The following PLCB1 variants were observed in gnomAD, a reference collection of about 807,000 sequenced individuals.
The protein encoded by PLCB1 is phospholipase C beta 1, also known as 1-phosphatidylinositol 4,5-bisphosphate phosphodiesterase beta-1.
A neutral mutation model predicts 161.8 loss-of-function variants in PLCB1; 46 were observed. That is an observed-to-expected ratio of 0.28 (90% CI 0.22 to 0.36). The LOEUF is 0.36. Among genes scored for constraint, PLCB1 ranks in the 10% least tolerant of loss-of-function variants. The probability of loss-of-function intolerance (pLI) is 1.00; values close to 1 mark genes in which losing one functional copy is unlikely to be tolerated. For missense variants in PLCB1, 1,016 were observed against 1,472.5 expected (o/e 0.69, Z 5.07); for synonymous variants, 517 against 503.7 (o/e 1.03, Z -0.35).
At chr20:8,664,895 A>C (rs1989771043) in intron 9 of PLCB1, among the ~76,000 whole-genome samples, 2 of 152,168 alleles carry the variant, frequency 1.3e-5, no homozygotes, top group Non-Finnish European at 2.9e-5. Flanking sequence ...TGAAAGTCCC[A>C]GAATCCAGGG....
intron 26 of PLCB1, among the ~76,000 whole-genome samples, chr20:8,771,704 A>G (rs1015941441): frequency 3.9e-5 from 6 of 152,150 alleles, no homozygotes; most frequent in South Asian, 2.1e-4. Context: ...CCCTTAGTAC[A>G]TAGTATCTAA....
intron 2 of PLCB1, among the ~76,000 whole-genome samples, chr20:8,319,510 G>A (rs755667805): frequency 6.7e-6 from 1 of 150,362 alleles, no homozygotes; most frequent in Non-Finnish European, 1.5e-5. Flanking sequence ...TGTCACTCTG[G>A]TGCATTCTTG....
intron 10 of PLCB1, 72 bp from the exon 11 acceptor site, chr20:8,697,554 C>A: frequency 6.8e-7 from 1 of 1,470,058 alleles, no homozygotes; most frequent in South Asian, 1.2e-5. Context: ...TATTGAGGAG[C>A]CTTTCTAAGA....
At chr20:8,716,909 G>A (rs1318308092) in intron 13 of PLCB1, among the ~76,000 whole-genome samples, 2 of 152,196 alleles carry the variant, frequency 1.3e-5, no homozygotes, top group Non-Finnish European at 2.9e-5. Context: ...GCATTTGTAA[G>A]TGAGTTTATA....
At chr20:8,180,640 C>T (rs962112573) in intron 2 of PLCB1, among the ~76,000 whole-genome samples, 26 of 151,112 alleles carry the variant, frequency 1.7e-4, no homozygotes, top group Non-Finnish European at 1.6e-4. Context: ...AATATACTTT[C>T]AGGAATCCAA....
At chr20:8,653,221 A>C (rs2123306453) in intron 7 of PLCB1, 1 of 152,222 alleles carries the variant, frequency 6.6e-6, no homozygotes, top group African/African-American at 2.4e-5. Context: ...TGTAATACAA[A>C]GAGAAATTAA....
intron 10 of PLCB1, among the ~76,000 whole-genome samples, chr20:8,691,324 AT>A (rs777037903): frequency 5.3e-5 from 8 of 152,162 alleles, no homozygotes; most frequent in Non-Finnish European, 7.4e-5. Context: ...CTAGAAAATA[AT>A]TTAGTTTTTA....
chr20:8,578,495 T>A (rs1986742274), intron 3 of PLCB1, among the ~76,000 whole-genome samples: 1 of 152,212 alleles, frequency 6.6e-6, no homozygotes, highest in Non-Finnish European at 1.5e-5. Context: ...TAACTGGAAG[T>A]TGTGATGGAG....
chr20:8,733,628 G>A lies in PLCB1; in HGVS notation c.2043+236G>A, dbSNP rs149805483. On this transcript the variant is annotated intron_variant, in intron 19 of 31. Transcript: ENST00000338037. ...CACGGGAAGGGGAACATCACACTCT[G>A]GGGACTGTTGTGGGGTGGGGGGAGC... is the stretch of plus-strand genomic sequence containing the variant. Among the ~76,000 whole-genome samples, 1,192 of 150,662 alleles carry A rather than the reference G, an allele frequency of 7.9e-3. 6 individuals are homozygous for A. The highest frequency in any genetic ancestry group is 0.017 in the Middle Eastern group (5 of 292).
At chr20:8,807,421 T>C (rs1568607328) in intron 31 of PLCB1, among the ~76,000 whole-genome samples, 1 of 152,226 alleles carries the variant, frequency 6.6e-6, no homozygotes, top group Non-Finnish European at 1.5e-5. Context: ...AATATTGATG[T>C]TCTTGTCACG....
intron 3 of PLCB1, among the ~76,000 whole-genome samples, chr20:8,611,022 G>A (rs1987890604): frequency 6.6e-6 from 1 of 151,920 alleles, no homozygotes; most frequent in South Asian, 2.1e-4. Flanking sequence ...TCTAAGAAAT[G>A]TATCTCTTTT....
At chr20:8,803,695 T>C (rs1480421417) in intron 31 of PLCB1, among the ~76,000 whole-genome samples, 1 of 152,236 alleles carries the variant, frequency 6.6e-6, no homozygotes, top group East Asian at 1.9e-4. Flanking sequence ...ATGTTAAGAC[T>C]ATCTTTTAAA....
rs574410482 is a variant in PLCB1, at chr20:8,369,345, T to C, written c.178-2037T>C. On this transcript the variant is annotated intron_variant, in intron 2 of 31. Coordinates refer to ENST00000338037, the MANE Select transcript of PLCB1 (RefSeq NM_015192.4). ...ATCTTTCACCTCTCAGATCTCCACT[T>C]ATTTCCCATCTTCTAGATTAAACTT... Among the ~76,000 whole-genome samples, 6 of 152,316 alleles carry C rather than the reference T, an allele frequency of 3.9e-5. No individual in the cohort carries two copies. In the South Asian group the frequency reaches 1.2e-3, roughly 32 times the overall value.
rs148758444 is a variant in PLCB1 at position 8,604,524 on chromosome 20, G to T, written c.247-23770G>T. On this transcript the variant is annotated intron_variant, in intron 3 of 31. Coordinates refer to ENST00000338037, the MANE Select transcript of PLCB1 (RefSeq NM_015192.4). ...ACATATAAAACAGAGTATCTGTAAA[G>T]CTGTGATTTGAGTGCTTTTCATGGA... Among the ~76,000 whole-genome samples the T allele has an allele frequency of 7.4e-3, 1,126 of 152,146 alleles. 13 individuals carry two copies. The highest frequency in any genetic ancestry group is 0.026 in the African/African-American group (1,067 of 41,520).
At chr20:8,349,757 C>T (rs1188668092) in intron 2 of PLCB1, among the ~76,000 whole-genome samples, 2 of 152,022 alleles carry the variant, frequency 1.3e-5, no homozygotes, top group Admixed American at 6.6e-5. Flanking sequence ...AGCAATGTGA[C>T]AAGCAGGTCT....
intron 3 of PLCB1, among the ~76,000 whole-genome samples, chr20:8,501,864 CATATATATATATATATATATAT>C (rs36226867): frequency 0.11 from 11,673 of 104,590 alleles, 913 homozygotes; most frequent in Non-Finnish European, 0.13. Context: ...AGATATATCG[CATATATATATATATATATATAT>C]ATATATATAT....
chr20:8,149,413 A>G (rs2051486205), intron 1 of PLCB1, among the ~76,000 whole-genome samples: 1 of 152,192 alleles, frequency 6.6e-6, no homozygotes, highest in Admixed American at 6.5e-5. Context: ...CATTAGGAAG[A>G]AAAAAGTCCC....
chr20:8,578,408 A>C (rs555091956), intron 3 of PLCB1, among the ~76,000 whole-genome samples: 8 of 152,382 alleles, frequency 5.2e-5, no homozygotes, highest in African/African-American at 1.9e-4. Context: ...ACTCATAAAA[A>C]TGAATTAATA....
chr20:8,510,518 A>AGGGATTACAGGCAT (rs1397058828), intron 3 of PLCB1, among the ~76,000 whole-genome samples: 1 of 151,442 alleles, frequency 6.6e-6, no homozygotes, highest in Non-Finnish European at 1.5e-5. Context: ...CCCAAGAAGC[A>AGGGATTACAGGCAT]GGGATTACAG....
Sources: allele counts gnomAD v4.1 joint callset (sites outside exome capture counted in the v4.1 genomes callset), GRCh38; gene constraint gnomAD v4.1.1; transcripts MANE v1.5; gene names NCBI Gene and HGNC (gene_info 2026-07-23, HGNC 2026-07-21).